RSBN1: variants seen among roughly 807,000 people sequenced by gnomAD.
RSBN1 encodes the protein lysine-specific demethylase 9.
A neutral mutation model predicts 74.8 loss-of-function variants in RSBN1; 23 were observed. The observed-to-expected ratio is 0.31, with a 90% CI of 0.22 to 0.44. The LOEUF (loss-of-function observed/expected upper bound fraction) is 0.44, where lower values mean the gene tolerates loss of function less well. Ranked by LOEUF, RSBN1 falls within the 20% of genes least tolerant of loss-of-function variation. The pLI is 1.00. For synonymous variants in RSBN1, 407 were observed against 379.6 expected (o/e 1.07, Z -0.84); for missense variants, 808 against 1,020.9 (o/e 0.79, Z 2.84).
At chr1:113,776,208 T>G (rs1349614001) in intron 4 of RSBN1, among the ~76,000 whole-genome samples, 4 of 152,212 alleles carry the variant, frequency 2.6e-5, no homozygotes, top group African/African-American at 7.2e-5. Flanking sequence ...ACCTAGTATA[T>G]GTCATGAGGA....
At chr1:113,776,238 C>A (rs1437421262) in intron 4 of RSBN1, among the ~76,000 whole-genome samples, 1 of 152,144 alleles carries the variant, frequency 6.6e-6, no homozygotes, top group Admixed American at 6.5e-5. Context: ...ATAAAATAGT[C>A]CCTGTCTTCC....
chr1:113,811,753 G>C lies in RSBN1; in HGVS notation c.660C>G (p.Gly220=). Residue 220 remains glycine, a synonymous_variant, in exon 1 of 7, where the codon GGC becomes GGG. Coordinates refer to ENST00000261441, the MANE Select transcript of RSBN1 (RefSeq NM_018364.5). ...DLKHKDKQEN[G]ERTGGVPLIK... ...TCAGAGGCACCCCTCCAGTCCTCTCGCCGTTTTCCTGCTTGTCCTTGTGCT... is the reference window on the plus strand; with the variant it reads ...TCAGAGGCACCCCTCCAGTCCTCTCCCCGTTTTCCTGCTTGTCCTTGTGCT... 1 of 1,612,238 alleles carries C rather than the reference G, an allele frequency of 6.2e-7. No homozygotes were observed. The highest frequency in any genetic ancestry group is 8.5e-7 in the Non-Finnish European group (1 of 1,179,124).
intron 6 of RSBN1, 79 bp downstream of exon 6, chr1:113,767,020 G>C: frequency 1.3e-6 from 1 of 752,076 alleles, no homozygotes; most frequent in South Asian, 1.9e-5. Context: ...ATATCAGACT[G>C]TAAGATAAAA....
chr1:113,787,596 G>A (rs184806648), intron 2 of RSBN1, among the ~76,000 whole-genome samples: 122 of 152,206 alleles, frequency 8.0e-4, no homozygotes, highest in African/African-American at 2.8e-3. Flanking sequence ...CAGACACAAG[G>A]ATACAAGGCA....
intron 5 of RSBN1, among the ~76,000 whole-genome samples, 178 bp from the exon 6 acceptor site, chr1:113,767,385 T>C (rs1418971990): frequency 6.6e-6 from 1 of 152,084 alleles, no homozygotes; most frequent in Non-Finnish European, 1.5e-5. Context: ...TAAAAAGCCA[T>C]AAAAATCAGA....
At position 113,765,579 on chromosome 1, in the gene RSBN1, G is replaced by A. The variant is rs1659762254; in HGVS notation, c.*401C>T. On this transcript the variant is annotated 3_prime_UTR_variant, in exon 7 of 7. Transcript: ENST00000261441. ...TTGAACCTGTGCCATAAAGACACAA[G>A]TACTAAACCATAAATCTTATTTATC... is the stretch of plus-strand genomic sequence containing the variant. 1 of 171,188 alleles carries A rather than the reference G, an allele frequency of 5.8e-6. No individual in the cohort carries two copies. Among genetic ancestry groups the A allele is most frequent in the Non-Finnish European group, 1.3e-5 (1 of 77,578 alleles). The allele number at this position is 171,188 out of a possible 1,614,324, so 10.6% of individuals were successfully genotyped here.
chr1:113,771,223 C>T (rs1659879835), intron 4 of RSBN1, among the ~76,000 whole-genome samples: 2 of 152,110 alleles, frequency 1.3e-5, no homozygotes, highest in Non-Finnish European at 2.9e-5. Flanking sequence ...CAACAGAGCA[C>T]TGCTAAAAAC....
At chr1:113,789,952 A>G (rs1660333137) in intron 2 of RSBN1, among the ~76,000 whole-genome samples, 1 of 152,192 alleles carries the variant, frequency 6.6e-6, no homozygotes, top group African/African-American at 2.4e-5. Context: ...AATACACTGT[A>G]GTTTTAAAAT....
chr1:113,766,534 T>C (rs749551541), intron 6 of RSBN1, 81 bp from the exon 7 acceptor site: 4 of 879,298 alleles, frequency 4.5e-6, no homozygotes, highest in South Asian at 1.7e-5. Flanking sequence ...AGGAAAACAG[T>C]AGAAACAAAA....
chr1:113,811,920 G>A lies in RSBN1; in HGVS notation c.493C>T (p.Pro165Ser), dbSNP rs761543199. Residue 165 changes from proline (P) to serine (S), a missense_variant, in exon 1 of 7, where the codon CCA becomes TCA. Physicochemically the swap from Pro to Ser is moderately conservative, Grantham distance 74. Around this residue, in one of 6 missense-constraint regions of RSBN1, gnomAD observed 464 missense variants for 401.0 expected, o/e 1.16. Transcript: ENST00000261441. ...GPAVAAPLPA[P>S]STSALFTFSP... is the part of the protein sequence containing the mutation. ...AAGGTGAAGAGGGCCGAGGTGCTTG[G>A]GGCCGGGAGAGGGGCAGCGACAGCG... is the stretch of plus-strand genomic sequence containing the variant. 1 of 1,605,842 alleles carries A rather than the reference G, an allele frequency of 6.2e-7. No homozygotes were observed. The highest frequency in any genetic ancestry group is 1.1e-5 in the South Asian group (1 of 90,578).
At chr1:113,791,594 A>G (rs1660364737) in intron 2 of RSBN1, among the ~76,000 whole-genome samples, 1 of 152,196 alleles carries the variant, frequency 6.6e-6, no homozygotes, top group Non-Finnish European at 1.5e-5. Context: ...CACAGAAAGG[A>G]AAAAATTAGC....
chr1:113,811,430 G>T (rs1660843099), intron 1 of RSBN1, among the ~76,000 whole-genome samples: 1 of 152,174 alleles, frequency 6.6e-6, no homozygotes, highest in African/African-American at 2.4e-5. Flanking sequence ...CTAATCTAAC[G>T]CGGCGCGGAA....
intron 2 of RSBN1, among the ~76,000 whole-genome samples, chr1:113,790,913 T>C (rs1053382282): frequency 3.3e-5 from 5 of 152,204 alleles, no homozygotes; most frequent in Non-Finnish European, 5.9e-5. Context: ...GAGAGTCTAA[T>C]GTATATTTGA....
intron 4 of RSBN1, among the ~76,000 whole-genome samples, chr1:113,776,303 TGAACA>T (rs1407685528): frequency 6.6e-6 from 1 of 152,142 alleles, no homozygotes; most frequent in East Asian, 1.9e-4. Flanking sequence ...AAAACTTTAA[TGAACA>T]GAACATTGTA....
intron 2 of RSBN1, among the ~76,000 whole-genome samples, chr1:113,780,291 T>C (rs370706037): frequency 9.2e-5 from 14 of 152,236 alleles, no homozygotes; most frequent in African/African-American, 3.1e-4. Flanking sequence ...CCTGAGATTA[T>C]ACAACTCAAT....
intron 2 of RSBN1, among the ~76,000 whole-genome samples, chr1:113,785,732 A>G (rs1434268861): frequency 6.6e-6 from 1 of 152,246 alleles, no homozygotes; most frequent in Non-Finnish European, 1.5e-5. Flanking sequence ...TTGAAGTAAC[A>G]TTGAGCTCAA....
chr1:113,805,735 G>T (rs989265528), intron 1 of RSBN1, among the ~76,000 whole-genome samples: 3 of 152,186 alleles, frequency 2.0e-5, no homozygotes, highest in African/African-American at 4.8e-5. Flanking sequence ...CCAAATGTCT[G>T]AGATTGTAAT....
In RSBN1 at chr1:113,811,903, G is replaced by A; in HGVS notation, c.510C>T (p.Leu170=). 1 of 1,609,796 alleles carries A rather than the reference G, an allele frequency of 6.2e-7. No individual in the cohort carries two copies. The highest frequency in any genetic ancestry group is 8.5e-7 in the Non-Finnish European group (1 of 1,177,810). ...TCACCGTCAGAGGCGAGAAGGTGAAGAGGGCCGAGGTGCTTGGGGCCGGGA... is the reference window on the plus strand; with the variant it reads ...TCACCGTCAGAGGCGAGAAGGTGAAAAGGGCCGAGGTGCTTGGGGCCGGGA... ...APLPAPSTSA[L]FTFSPLTVSA... Residue 170 remains leucine (L), a synonymous_variant, in exon 1 of 7, where the codon CTC becomes CTT. Transcript: ENST00000261441.
Position 113,812,308 on chromosome 1 carries a change from C to A in RSBN1, c.105G>T (p.Gly35=), listed in dbSNP as rs761745113. The A allele has an allele frequency of 5.6e-6, 9 of 1,604,120 alleles. No homozygotes were observed. The highest frequency in any genetic ancestry group is 2.2e-5 in the East Asian group (1 of 44,860). ...CACATTTAAATGGCCCGACCGCCCC[C>A]CCGTCCGCGCATCGCGCAAGCGCCG... The part of the protein sequence containing the change: ...ARAALARCAD[G]GAVGPFKCVF... Residue 35 remains glycine, a synonymous_variant, in exon 1 of 7, where the codon GGG becomes GGT. Coordinates refer to ENST00000261441, the MANE Select transcript of RSBN1 (RefSeq NM_018364.5).
Sources: allele counts gnomAD v4.1 joint callset (sites outside exome capture counted in the v4.1 genomes callset), GRCh38; gene constraint gnomAD v4.1.1; regional missense constraint gnomAD v4.1.1; transcripts MANE v1.5; gene names NCBI Gene and HGNC (gene_info 2026-07-23, HGNC 2026-07-21).